Variants in ZNF518B observed in about 807,000 individuals in gnomAD.
The protein encoded by ZNF518B is zinc finger protein 518B.
In ZNF518B, 23 loss-of-function variants were observed where a neutral mutation model predicts 56.3. The ratio of observed to expected loss-of-function variants is 0.41; its 90% CI spans 0.29 to 0.58. The LOEUF (loss-of-function observed/expected upper bound fraction) is 0.58, where lower values mean the gene tolerates loss of function less well. Among genes scored for constraint, ZNF518B ranks in the 20% least tolerant of loss-of-function variants. The pLI is 0.32. For synonymous variants in ZNF518B, 529 were observed against 465.9 expected (o/e 1.14, Z -1.74); for missense variants, 1,460 against 1,272.1 (o/e 1.15, Z -2.25).
chr4:10,444,691 C>A lies in ZNF518B; in HGVS notation c.1638G>T (p.Leu546Phe), dbSNP rs768237573. ...ATTCCAAGTCATTTTCACTTACAGG[C>A]AATAAGCCCTTTTCTCCAGAGAAGG... ...TCSFSGEKGL[L>F]PVSENDLEST... Residue 546 changes from leucine (L) to phenylalanine (F), a missense_variant, in exon 3 of 3, where the codon TTG (leucine) becomes TTT (phenylalanine). Transcript: ENST00000326756. The A allele has an allele frequency of 2.5e-6, 4 of 1,614,158 alleles. No individual in the cohort carries two copies. The highest frequency in any genetic ancestry group is 2.2e-5 in the East Asian group (1 of 44,882).
chr4:10,445,736 C>A lies in ZNF518B; in HGVS notation c.593G>T (p.Gly198Val), dbSNP rs993347160. The stretch of plus-strand genomic sequence containing the variant: ...GACAATATAATCATTTCTAATAGCA[C>A]CATAGTCACAATACTCACACTGATA... ...FPYQCEYCDY[G>V]AIRNDYIVKH... Residue 198 changes from glycine (G) to valine (V), a missense_variant, in exon 3 of 3, where the codon GGT becomes GTT. Coordinates refer to ENST00000326756, the MANE Select transcript of ZNF518B (RefSeq NM_053042.3). 3 of 1,614,016 alleles carry A rather than the reference C, an allele frequency of 1.9e-6. No individual in the cohort carries two copies. Among genetic ancestry groups the A allele is most frequent in the East Asian group, 2.2e-5 (1 of 44,886 alleles).
upstream of ZNF518B, among the ~76,000 whole-genome samples, chr4:10,460,531 AG>A (rs781209202): frequency 9.2e-5 from 14 of 152,204 alleles, no homozygotes; most frequent in Non-Finnish European, 1.8e-4. Flanking sequence ...GATGGAGAAC[AG>A]GGGAGAGGAG....
rs1488780838 is a variant in ZNF518B, at chr4:10,441,366, T to C, written c.*1738A>G. The C allele has an allele frequency of 1.3e-5, 2 of 152,374 alleles. No homozygotes were observed. Among genetic ancestry groups the C allele is most frequent in the African/African-American group, 2.4e-5 (1 of 41,290 alleles). 9.4% of individuals were successfully genotyped at this position (152,374 alleles called of 1,614,324 possible). On this transcript the variant is annotated 3_prime_UTR_variant, in exon 3 of 3. Transcript: ENST00000326756. ...TGTATTGAATTATACAAAAGAAATG[T>C]TGATTATCTGTAATGAGAACAAACT... is the stretch of plus-strand genomic sequence containing the variant.
intron 1 of ZNF518B, among the ~76,000 whole-genome samples, chr4:10,455,663 A>G (rs1715496713): frequency 6.6e-6 from 1 of 152,192 alleles, no homozygotes; most frequent in Non-Finnish European, 1.5e-5. Flanking sequence ...GATCGGGTAT[A>G]ATACATCAGA....
rs1156475314 is a variant in ZNF518B at position 10,443,101 on chromosome 4, T to C, written c.*3A>G. 6.2e-7 allele frequency: 1 copy of C among 1,607,544 alleles called. No homozygotes were observed. The highest frequency in any genetic ancestry group is 8.5e-7 in the Non-Finnish European group (1 of 1,177,066). ...TAACTTGCTTTAAAGAGTAACTGTT[T>C]ACTTATTTGCCCTTGGAGGAAAGAA... On this transcript the variant is annotated 3_prime_UTR_variant, in exon 3 of 3. Transcript: ENST00000326756.
At chr4:10,451,200 C>G (rs780408075) in intron 2 of ZNF518B, 1 of 152,054 alleles carries the variant, frequency 6.6e-6, no homozygotes, top group Non-Finnish European at 1.5e-5. Flanking sequence ...AACAAAGTAT[C>G]GAGTTTGGGA....
chr4:10,451,523 ACATAT>A (rs1276768908), intron 2 of ZNF518B: 5 of 152,242 alleles, frequency 3.3e-5, no homozygotes, highest in African/African-American at 4.8e-5. Context: ...TAAATGACTG[ACATAT>A]CATAACCTGT....
upstream of ZNF518B, among the ~76,000 whole-genome samples, chr4:10,457,850 A>C (rs1450984864): frequency 1.3e-5 from 2 of 152,086 alleles, no homozygotes; most frequent in Non-Finnish European, 2.9e-5. Context: ...ATGGCCTTGA[A>C]GTCCTGGGTA....
At chr4:10,461,302 T>C (rs530649396), upstream of ZNF518B, among the ~76,000 whole-genome samples, 11 of 152,136 alleles carry the variant, frequency 7.2e-5, no homozygotes, top group Non-Finnish European at 1.2e-4. Context: ...CTCTCTTGGC[T>C]CTCCTGGCCC....
intron 2 of ZNF518B, chr4:10,453,431 A>C (rs901317823): frequency 3.3e-5 from 5 of 152,182 alleles, no homozygotes; most frequent in African/African-American, 9.7e-5. Context: ...TTGACTTGAC[A>C]CTGCTGTGCA....
Position 10,446,300 on chromosome 4 carries a change from G to C in ZNF518B, c.29C>G (p.Thr10Ser). ...ATTATGTCCGCCGTTCAAGTGTGTA[G>C]TGTATAGCTGCTGTCCAATATCCTT... The part of the protein sequence containing the change: MKDIGQQLY[T>S]THLNGGHNSL... Residue 10 changes from threonine (T) to serine (S), a missense_variant, in exon 3 of 3, where the codon ACT becomes AGT. By Grantham distance (58) the Thr-to-Ser change is moderately conservative. Coordinates refer to ENST00000326756, the MANE Select transcript of ZNF518B (RefSeq NM_053042.3). The C allele has an allele frequency of 1.9e-6, 3 of 1,613,824 alleles. No individual in the cohort carries two copies. Among genetic ancestry groups the C allele is most frequent in the Non-Finnish European group, 1.7e-6 (2 of 1,179,716 alleles).
rs1346653232 is a variant in ZNF518B at position 10,444,183 on chromosome 4, C to T, written c.2146G>A (p.Gly716Ser). 5.0e-6 allele frequency: 8 copies of T among 1,614,214 alleles called. No homozygotes were observed. The Admixed American group carries it at 8.3e-5, about 17-fold the overall frequency. Residue 716 changes from glycine to serine, a missense_variant, in exon 3 of 3, where the codon GGT becomes AGT. Transcript: ENST00000326756. ...AGAGTACCTGTGGAATGGCCAAGAC[C>T]AGTGAGTGACACGTTGATTTCTTGA... ...GIQEINVSLT[G>S]LGHSTGTLQK...
Position 10,446,329 on chromosome 4 carries a change from C to T in ZNF518B, c.-1G>A. ...ATAGCTGCTGTCCAATATCCTTCATCTTATCTGCATTTCTAAAAAGAGCCA... is the reference window on the plus strand; with the variant it reads ...ATAGCTGCTGTCCAATATCCTTCATTTTATCTGCATTTCTAAAAAGAGCCA... On this transcript the variant is annotated 5_prime_UTR_variant, in exon 3 of 3. Transcript: ENST00000326756. 6.2e-7 allele frequency: 1 copy of T among 1,601,562 alleles called. No homozygotes were observed. The highest frequency in any genetic ancestry group is 1.7e-4 in the Middle Eastern group (1 of 6,000).
intron 2 of ZNF518B, among the ~76,000 whole-genome samples, chr4:10,449,095 A>C (rs1715193026): frequency 6.6e-6 from 1 of 152,234 alleles, no homozygotes; most frequent in African/African-American, 2.4e-5. Flanking sequence ...ATCCAGATAA[A>C]ACGGAAAAGC....
chr4:10,447,341 C>T (rs1715104606), intron 2 of ZNF518B, among the ~76,000 whole-genome samples: 1 of 152,100 alleles, frequency 6.6e-6, no homozygotes, highest in Non-Finnish European at 1.5e-5. Flanking sequence ...GGAGAGGCCT[C>T]ATGCTAAGTT....
chr4:10,448,537 T>C (rs1440354545), intron 2 of ZNF518B, among the ~76,000 whole-genome samples: 1 of 152,132 alleles, frequency 6.6e-6, no homozygotes, highest in African/African-American at 2.4e-5. Context: ...TTGCGAAAGA[T>C]AGTCACCTTC....
At chr4:10,447,990 C>G (rs1332088076) in intron 2 of ZNF518B, among the ~76,000 whole-genome samples, 1 of 152,092 alleles carries the variant, frequency 6.6e-6, no homozygotes, top group Non-Finnish European at 1.5e-5. Context: ...ACTTATTTTC[C>G]CAGAATATGG....
In ZNF518B at chr4:10,444,601, C is replaced by T; in HGVS notation, c.1728G>A (p.Gln576=). 6.2e-7 allele frequency: 1 copy of T among 1,614,138 alleles called. No individual in the cohort carries two copies. Among genetic ancestry groups the T allele is most frequent in the Middle Eastern group, 1.6e-4 (1 of 6,062 alleles). The change falls in exon 3 of 3, where the codon CAG becomes CAA. Residue 576 remains glutamine (Q), a synonymous_variant. Coordinates refer to ENST00000326756, the MANE Select transcript of ZNF518B (RefSeq NM_053042.3). The stretch of plus-strand genomic sequence containing the variant: ...TTGAAACTGCCTTGTGTTCCTCTGT[C>T]TGGTTATCTTCCTGCTTCCTATTAG... ...VSSNRKQEDN[Q]TEEHKAVSTV...
At position 10,444,183 on chromosome 4, in the gene ZNF518B, C is replaced by G; in HGVS notation, c.2146G>C (p.Gly716Arg). 1 of 1,614,214 alleles carries G rather than the reference C, an allele frequency of 6.2e-7. No individual in the cohort carries two copies. The highest frequency in any genetic ancestry group is 8.5e-7 in the Non-Finnish European group (1 of 1,180,034). Reference protein sequence around the residue: ...GIQEINVSLTGLGHSTGTLQK... With the variant: ...GIQEINVSLTRLGHSTGTLQK... ...AGAGTACCTGTGGAATGGCCAAGAC[C>G]AGTGAGTGACACGTTGATTTCTTGA... The change falls in exon 3 of 3, where the codon GGT becomes CGT. Residue 716 changes from glycine (G) to arginine (R), a missense_variant. Coordinates refer to ENST00000326756, the MANE Select transcript of ZNF518B (RefSeq NM_053042.3).
Sources: allele counts gnomAD v4.1 joint callset (sites outside exome capture counted in the v4.1 genomes callset), GRCh38; gene constraint gnomAD v4.1.1; transcripts MANE v1.5; gene names NCBI Gene and HGNC (gene_info 2026-07-23, HGNC 2026-07-21).